Variants in CEP70 observed in about 807,000 individuals in gnomAD.
The protein encoded by CEP70 is centrosomal protein 70, also known as centrosomal protein of 70 kDa.
A neutral mutation model predicts 90.9 loss-of-function variants in CEP70; 70 were observed. That is an observed-to-expected ratio of 0.77 (90% confidence interval 0.64 to 0.94). The LOEUF is 0.94. Among genes scored for constraint, CEP70 ranks in the 40% least tolerant of loss-of-function variants. The pLI is 0.00. For synonymous variants in CEP70, 220 were observed against 228.3 expected, an observed-to-expected ratio of 0.96 and a Z score of 0.33; for missense variants, 648 against 669.0, an observed-to-expected ratio of 0.97 and a Z score of 0.35.
At chr3:138,521,173 A>G (rs893489924) in intron 11 of CEP70, among the ~76,000 whole-genome samples, 2 of 152,144 alleles carry the variant, frequency 1.3e-5, no homozygotes, top group Non-Finnish European at 2.9e-5. Context: ...TCCACCTCCC[A>G]GCCGCCTGCC....
chr3:138,509,947 T>C (rs981683412), intron 11 of CEP70, among the ~76,000 whole-genome samples: 7 of 152,122 alleles, frequency 4.6e-5, no homozygotes, highest in Non-Finnish European at 8.8e-5. Flanking sequence ...AGTAGTCATG[T>C]TAGCAATTTT....
chr3:138,527,556 T>G (rs377315326), intron 10 of CEP70, among the ~76,000 whole-genome samples: 14 of 151,366 alleles, frequency 9.2e-5, no homozygotes, highest in African/African-American at 3.1e-4. Context: ...TAGCCGGGCG[T>G]GGTGATGGGC....
intron 2 of CEP70, among the ~76,000 whole-genome samples, chr3:138,578,258 T>G (rs2041661322): frequency 6.6e-6 from 1 of 152,028 alleles, no homozygotes; most frequent in African/African-American, 2.4e-5. Context: ...CACTAAAATA[T>G]AAGTGGGGGA....
chr3:138,511,118 G>A (rs1057297468), intron 11 of CEP70, among the ~76,000 whole-genome samples: 18 of 151,932 alleles, frequency 1.2e-4, no homozygotes, highest in African/African-American at 1.9e-4. Context: ...TGATCCGCCC[G>A]CCTTGGCCTC....
chr3:138,544,160 T>C (rs760768690), intron 6 of CEP70, among the ~76,000 whole-genome samples: 2 of 152,152 alleles, frequency 1.3e-5, no homozygotes, highest in East Asian at 1.9e-4. Context: ...TAACTTGTTA[T>C]ATCTATAAAA....
chr3:138,536,187 G>A (rs934606186), intron 7 of CEP70, among the ~76,000 whole-genome samples: 3 of 151,960 alleles, frequency 2.0e-5, no homozygotes, highest in Admixed American at 2.0e-4. Context: ...TAGTACATAA[G>A]AGAGAATATG....
intron 6 of CEP70, among the ~76,000 whole-genome samples, chr3:138,567,098 G>C (rs2040845215): frequency 6.6e-6 from 1 of 152,028 alleles, no homozygotes; most frequent in African/African-American, 2.4e-5. Flanking sequence ...AAATAATGCT[G>C]AATGAAAAAA....
chr3:138,570,042 AAG>A (rs1461027264), intron 6 of CEP70, among the ~76,000 whole-genome samples: 1 of 152,214 alleles, frequency 6.6e-6, no homozygotes, highest in Non-Finnish European at 1.5e-5. Flanking sequence ...GTATGTAAGA[AAG>A]AGAAAAGATC....
intron 2 of CEP70, among the ~76,000 whole-genome samples, chr3:138,578,240 C>T (rs561087553): frequency 4.3e-4 from 66 of 152,240 alleles, no homozygotes; most frequent in African/African-American, 1.5e-3. Flanking sequence ...AAAAGTTATT[C>T]TCACGAACAC....
intron 6 of CEP70, among the ~76,000 whole-genome samples, chr3:138,558,029 G>A (rs1444787338): frequency 6.6e-6 from 1 of 152,092 alleles, no homozygotes; most frequent in South Asian, 2.1e-4. Flanking sequence ...GTTTGAAAGT[G>A]CTAACAAGGA....
chr3:138,592,590 A>G (rs925807190), intron 1 of CEP70, among the ~76,000 whole-genome samples: 1 of 152,152 alleles, frequency 6.6e-6, no homozygotes, highest in Non-Finnish European at 1.5e-5. Context: ...GTAGGAGTTG[A>G]TTTGTACATG....
chr3:138,588,871 A>G (rs994985040), intron 2 of CEP70, among the ~76,000 whole-genome samples: 5 of 152,262 alleles, frequency 3.3e-5, no homozygotes, highest in Non-Finnish European at 5.9e-5. Flanking sequence ...AAACTGTGGT[A>G]TACCCATTGG....
intron 2 of CEP70, among the ~76,000 whole-genome samples, chr3:138,588,239 T>A (rs150805755): frequency 1.3e-4 from 20 of 152,156 alleles, no homozygotes; most frequent in Admixed American, 1.0e-3. Flanking sequence ...CAAGAACAAA[T>A]GGGGCTTCAT....
Position 138,529,269 on chromosome 3 carries a change from T to C in CEP70, c.799A>G (p.Lys267Glu), listed in dbSNP as rs1311304103. The change falls in exon 10 of 18, where the codon AAG becomes GAG. Residue 267 changes from lysine (K) to glutamate (E), a missense_variant. Physicochemically the swap from Lys to Glu is moderately conservative, Grantham distance 56. Coordinates refer to ENST00000264982, the MANE Select transcript of CEP70 (RefSeq NM_024491.4). Reference protein sequence around the residue: ...GLLMSLQNQLKESKSKIDALS... With the variant: ...GLLMSLQNQLEESKSKIDALS... The stretch of plus-strand genomic sequence containing the variant: ...GCATCAATCTTAGATTTTGATTCCT[T>C]GAGTTGATTCTGTAATGACTGCAAC... The C allele has an allele frequency of 6.2e-6, 10 of 1,608,308 alleles. No homozygotes were observed. The highest frequency in any genetic ancestry group is 8.5e-6 in the Non-Finnish European group (10 of 1,176,818).
chr3:138,569,541 T>C (rs2041019363), intron 6 of CEP70, among the ~76,000 whole-genome samples: 1 of 152,308 alleles, frequency 6.6e-6, no homozygotes, highest in East Asian at 1.9e-4. Context: ...AATTGCCATT[T>C]CTATAAAAAG....
rs139867244 is a variant in CEP70 at position 138,588,789 on chromosome 3, G to A, written c.-6+3065C>T. On this transcript the variant is annotated intron_variant, in intron 2 of 17. Transcript: ENST00000264982. The stretch of plus-strand genomic sequence containing the variant: ...ACACAAAGACTGTACACAAATGTTC[G>A]TAAGAGCTTTATCTATAATAGCCAG... Among the ~76,000 whole-genome samples the A allele has an allele frequency of 5.7e-3, 865 of 152,250 alleles. 8 individuals carry two copies. Among genetic ancestry groups the A allele is most frequent in the African/African-American group, 0.02 (827 of 41,550 alleles).
Position 138,584,461 on chromosome 3 carries a change from CAA to C in CEP70, c.-6+7391_-6+7392del, listed in dbSNP as rs35985463. Among the ~76,000 whole-genome samples, 558 of 92,142 alleles carry C rather than the reference CAA, an allele frequency of 6.1e-3. 4 individuals are homozygous for C. The highest frequency in any genetic ancestry group is 0.024 in the African/African-American group (536 of 22,766). The allele number at this position is 92,142 out of a possible 152,430, so 60.4% of individuals were successfully genotyped here. A position where few individuals can be genotyped will look rare whatever the true frequency, so the allele number is the denominator to read the frequency against. The stretch of plus-strand genomic sequence containing the variant: ...ATACCAAAACCAGACAAAGACATAT[CAA>C]AAAAAAAAAAAAAAAAGAGAGAGAG... On this transcript the variant is annotated intron_variant, in intron 2 of 17. Transcript: ENST00000264982.
chr3:138,539,311 G>C (rs1372202087), intron 6 of CEP70, among the ~76,000 whole-genome samples: 1 of 152,118 alleles, frequency 6.6e-6, no homozygotes, highest in Admixed American at 6.5e-5. Flanking sequence ...ACCATGCCCA[G>C]CCCTTTTTAT....
intron 11 of CEP70, among the ~76,000 whole-genome samples, chr3:138,522,511 A>G (rs1466085222): frequency 6.6e-6 from 1 of 152,216 alleles, no homozygotes; most frequent in Admixed American, 6.5e-5. Flanking sequence ...AGAAGAATCA[A>G]ATAGACGCAA....
Sources: allele counts gnomAD v4.1 joint callset (sites outside exome capture counted in the v4.1 genomes callset), GRCh38; gene constraint gnomAD v4.1.1; transcripts MANE v1.5; gene names NCBI Gene and HGNC (gene_info 2026-07-23, HGNC 2026-07-21).